The following ANO2 variants were observed in gnomAD, a reference collection of about 807,000 sequenced individuals.
The protein encoded by ANO2 is anoctamin 2.
ANO2 carries 101 observed loss-of-function variants against 124.2 expected under a neutral mutation model. The ratio of observed to expected loss-of-function variants is 0.81; its 90% CI spans 0.69 to 0.96. ANO2 has a LOEUF of 0.96. Among genes scored for constraint, ANO2 ranks in the 40% least tolerant of loss-of-function variants. The probability of loss-of-function intolerance (pLI) is 0.00; values close to 1 mark genes in which losing one functional copy is unlikely to be tolerated. For missense variants in ANO2, 1,293 were observed against 1,274.5 expected, an observed-to-expected ratio of 1.01 and a Z score of -0.22; for synonymous variants, 486 against 482.5, an observed-to-expected ratio of 1.01 and a Z score of -0.09.
intron 13 of ANO2, 184 bp downstream of exon 13, chr12:5,739,133 C>T: frequency 1.4e-6 from 1 of 701,970 alleles, no homozygotes; most frequent in African/African-American, 1.7e-5. Flanking sequence ...TACTTGAACT[C>T]TTGGCCTCAG....
Position 5,837,302 on chromosome 12 carries a change from T to TTC in ANO2, c.634-4700_634-4699insGA, listed in dbSNP as rs1555171427. On this transcript the variant is annotated intron_variant, in intron 4 of 24. Coordinates refer to ENST00000682330, the MANE Select transcript of ANO2 (RefSeq NM_001364791.2). ...TAGTTGATGCAGATTTCTTTTTTTT[T>TTC]TTTTTTTTTTATGATTCCTGCCTTT... 4.4e-5 allele frequency among the ~76,000 whole-genome samples: 6 copies of TTC among 137,714 alleles called. 1 individual carries two copies. In the South Asian group the frequency reaches 7.3e-4, roughly 17 times the overall value. 90.3% of individuals were successfully genotyped at this position (137,714 alleles called of 152,430 possible).
At chr12:5,588,096 C>T (rs1420050198) in intron 20 of ANO2, among the ~76,000 whole-genome samples, 1 of 141,166 alleles carries the variant, frequency 7.1e-6, no homozygotes, top group African/African-American at 3.1e-5. Flanking sequence ...ATGTCAAGCA[C>T]ACCAGAGGCG....
intron 10 of ANO2, among the ~76,000 whole-genome samples, chr12:5,775,201 C>T (rs371192835): frequency 7.9e-5 from 12 of 152,110 alleles, no homozygotes; most frequent in African/African-American, 2.7e-4. Flanking sequence ...TTTCTTTCCA[C>T]TGCTAATTTC....
chr12:5,660,550 C>A (rs545663825), intron 14 of ANO2, among the ~76,000 whole-genome samples: 4 of 151,504 alleles, frequency 2.6e-5, no homozygotes, highest in Non-Finnish European at 4.4e-5. Context: ...ACAATGAGAA[C>A]TTTCCCACGC....
At chr12:5,610,861 A>AC (rs1565472350) in intron 19 of ANO2, among the ~76,000 whole-genome samples, 2,913 of 82,142 alleles carry the variant, frequency 0.035, 77 homozygotes, top group African/African-American at 0.063. Context: ...CACACACACA[A>AC]CCCTAAGGGA....
In ANO2 at chr12:5,615,379, T is replaced by C. The variant is rs935220785; in HGVS notation, c.1817-82A>G. The C allele has an allele frequency of 5.9e-6, 6 of 1,020,582 alleles. No homozygotes were observed. The African/African-American group carries it at 9.7e-5, about 16-fold the overall frequency. 63.2% of individuals were successfully genotyped at this position (1,020,582 alleles called of 1,614,324 possible). On this transcript the variant is annotated intron_variant, in intron 16 of 24. Transcript: ENST00000682330. ...GTTTTGACCTAGACATGAGCTACTATCTCTCAGCTGACTCCTTCACAGCAA... is the reference window on the plus strand; with the variant it reads ...GTTTTGACCTAGACATGAGCTACTACCTCTCAGCTGACTCCTTCACAGCAA...
Position 5,925,548 on chromosome 12 carries a change from G to A in ANO2, c.23-2744C>T, listed in dbSNP as rs1295563937. 2.0e-5 allele frequency among the ~76,000 whole-genome samples: 3 copies of A among 152,202 alleles called. No individual in the cohort carries two copies. Among genetic ancestry groups the A allele is most frequent in the African/African-American group, 7.2e-5 (3 of 41,446 alleles). Reference sequence around the variant, plus strand: ...ACGTGAGAGGAAGGCCAAGGGGAACGCGAGTGACGCCTGCCCTCAGGAAGG... The same window carrying A: ...ACGTGAGAGGAAGGCCAAGGGGAACACGAGTGACGCCTGCCCTCAGGAAGG... On this transcript the variant is annotated intron_variant, in intron 1 of 24. Transcript: ENST00000682330. The surrounding 1 kb of genome is among the most constrained non-coding windows in gnomAD (Gnocchi z 4.6).
At chr12:5,938,987 G>A (rs1202491235) in intron 1 of ANO2, among the ~76,000 whole-genome samples, 2 of 151,574 alleles carry the variant, frequency 1.3e-5, no homozygotes, top group African/African-American at 4.8e-5. Flanking sequence ...GAGAGGCCGA[G>A]GCAGGCGGAT....
chr12:5,586,712 C>T (rs1052057802), intron 20 of ANO2, among the ~76,000 whole-genome samples: 2 of 152,214 alleles, frequency 1.3e-5, no homozygotes, highest in African/African-American at 4.8e-5. Context: ...TTCACCTGAT[C>T]ATTGTCAGGC....
intron 15 of ANO2, among the ~76,000 whole-genome samples, chr12:5,639,921 A>T (rs1229571684): frequency 1.3e-5 from 2 of 152,186 alleles, no homozygotes; most frequent in Admixed American, 1.3e-4. Flanking sequence ...TGGACTCCCA[A>T]TATCCAAGTG....
intron 10 of ANO2, among the ~76,000 whole-genome samples, chr12:5,796,765 C>T (rs1279278257): frequency 5.9e-5 from 9 of 152,202 alleles, no homozygotes; most frequent in Admixed American, 4.6e-4. Context: ...CTTTCAACAT[C>T]CAGGAACGGT....
At chr12:5,717,065 G>T (rs1197248166) in intron 14 of ANO2, among the ~76,000 whole-genome samples, 1 of 152,228 alleles carries the variant, frequency 6.6e-6, no homozygotes, top group Non-Finnish European at 1.5e-5. Flanking sequence ...TGGACAATCT[G>T]TGGATAAAGA....
At position 5,563,563 on chromosome 12, in the gene ANO2, G is replaced by A. The variant is rs749065299; in HGVS notation, c.2733C>T (p.Leu911=). The A allele has an allele frequency of 6.7e-5, 108 of 1,613,696 alleles. No homozygotes were observed. The highest frequency in any genetic ancestry group is 8.4e-5 in the Non-Finnish European group (99 of 1,179,802). Residue 911 remains leucine (L), a synonymous_variant, in exon 25 of 25, where the codon CTC becomes CTT. Coordinates refer to ENST00000682330, the MANE Select transcript of ANO2 (RefSeq NM_001364791.2). ...RLAFVIIFQN[L]VMFLSVLVDW... is the part of the protein sequence containing the mutation. ...CCACGAGGACGCTCAGGAACATCAC[G>A]AGGTTCTGCAAAAAGCCAAGGAGAG...
intron 14 of ANO2, among the ~76,000 whole-genome samples, chr12:5,731,111 T>A (rs967703517): frequency 1.2e-4 from 19 of 152,242 alleles, no homozygotes; most frequent in African/African-American, 4.6e-4. Context: ...CAATAAAAGT[T>A]ACATGTGATT....
chr12:5,678,068 C>A (rs1948331218), intron 14 of ANO2, among the ~76,000 whole-genome samples: 1 of 152,170 alleles, frequency 6.6e-6, no homozygotes, highest in African/African-American at 2.4e-5. Context: ...CTTAAGCCAT[C>A]AAACCCCTCA....
chr12:5,660,108 G>C (rs440899), intron 14 of ANO2, among the ~76,000 whole-genome samples: 61,415 of 151,702 alleles, frequency 0.4, 13,802 homozygotes, highest in African/African-American at 0.58. Flanking sequence ...ACAATTTTTC[G>C]ACTTTACAAC....
intron 14 of ANO2, among the ~76,000 whole-genome samples, chr12:5,722,339 T>C (rs919627092): frequency 5.9e-5 from 9 of 152,116 alleles, no homozygotes; most frequent in African/African-American, 2.2e-4. Context: ...ACCCCGTCTC[T>C]ATTAAAAATA....
rs569756767 is a variant in ANO2, at chr12:5,789,014, C to T, written c.1055+10493G>A. 2.1e-3 allele frequency among the ~76,000 whole-genome samples: 318 copies of T among 152,276 alleles called. 1 individual carries two copies. The highest frequency in any genetic ancestry group is 7.3e-3 in the African/African-American group (305 of 41,562). Reference sequence around the variant, plus strand: ...GCTGCTAGCCGGCTGTCAGAGCATCCGAGACCTAACCTTCTTAATCCACAG... The same window carrying T: ...GCTGCTAGCCGGCTGTCAGAGCATCTGAGACCTAACCTTCTTAATCCACAG... On this transcript the variant is annotated intron_variant, in intron 10 of 24. Coordinates refer to ENST00000682330, the MANE Select transcript of ANO2 (RefSeq NM_001364791.2).
chr12:5,734,091 G>A (rs900446902), intron 13 of ANO2, among the ~76,000 whole-genome samples: 1 of 152,166 alleles, frequency 6.6e-6, no homozygotes, highest in Admixed American at 6.5e-5. Context: ...TAATGTGTGT[G>A]CCAAGAGAAT....
Sources: allele counts gnomAD v4.1 joint callset (sites outside exome capture counted in the v4.1 genomes callset), GRCh38; gene constraint gnomAD v4.1.1; non-coding constraint Gnocchi (gnomAD v3.1); transcripts MANE v1.5; gene names NCBI Gene and HGNC (gene_info 2026-07-23, HGNC 2026-07-21).